Variants in RAB9B observed in about 807,000 individuals in gnomAD.
RAB9B encodes the protein RAB9B, member RAS oncogene family, also known as ras-related protein Rab-9B.
A neutral mutation model predicts 8.9 loss-of-function variants in RAB9B; 1 was observed. The observed-to-expected ratio is 0.11, with a 90% CI of 0.04 to 0.53. The LOEUF (loss-of-function observed/expected upper bound fraction) is 0.53. Among genes scored for constraint, RAB9B ranks in the 20% least tolerant of loss-of-function variants. The pLI is 0.93. For missense variants in RAB9B, 82 were observed against 152.9 expected, an observed-to-expected ratio of 0.54 and a Z score of 2.45; for synonymous variants, 63 against 57.0, an observed-to-expected ratio of 1.10 and a Z score of -0.47.
chrX:103,785,837 C>CTTCA, the RAB9B span: 26 of 957,195 alleles, frequency 2.7e-5, no homozygotes, highest in Non-Finnish European at 3.9e-5. Flanking sequence ...ATAGAGAACT[C>CTTCA]TTCAGTACCT....
intron 2 of RAB9B, among the ~76,000 whole-genome samples, chrX:103,826,069 G>A (rs1347607979): frequency 8.9e-6 from 1 of 112,045 alleles, no homozygotes; most frequent in African/African-American, 3.2e-5. Context: ...AAATGGACTA[G>A]CAGATGGTCC....
the RAB9B span, among the ~76,000 whole-genome samples, chrX:103,777,811 G>T: frequency 8.9e-6 from 1 of 112,345 alleles, no homozygotes; most frequent in Admixed American, 9.4e-5. Context: ...AGAGCACAAG[G>T]GTCTTTGTCC....
chrX:103,784,911 G>A, the RAB9B span, among the ~76,000 whole-genome samples: 1 of 112,105 alleles, frequency 8.9e-6, no homozygotes, highest in Non-Finnish European at 1.9e-5. Context: ...ATAAATAGTT[G>A]ATGAATGACT....
chrX:103,780,439 C>CTGTG, the RAB9B span, among the ~76,000 whole-genome samples: 13 of 102,524 alleles, frequency 1.3e-4, no homozygotes, highest in South Asian at 1.3e-3. Context: ...CTGTCTCTCT[C>CTGTG]TGTGTGTGTG....
rs973876616 is a variant in RAB9B, at chrX:103,825,853, G to T, written c.-42-27C>A. The stretch of plus-strand genomic sequence containing the variant: ...TGAAAATAAAAGGAAAAGTAGGAGG[G>T]AAAACAGTTAAACCTGAAACTGAAA... On this transcript the variant is annotated intron_variant, in intron 2 of 2. Coordinates refer to ENST00000243298, the MANE Select transcript of RAB9B (RefSeq NM_016370.4). The T allele has an allele frequency of 3.5e-5, 37 of 1,044,098 alleles. 1 individual carries two copies. In the Admixed American group the frequency reaches 1.1e-3, roughly 32 times the overall value. 86.0% of individuals were successfully genotyped at this position (1,044,098 alleles called of 1,213,427 possible). A position where few individuals can be genotyped will look rare whatever the true frequency, so the allele number is the denominator to read the frequency against.
chrX:103,785,544 C>T, the RAB9B span: 1 of 1,141,902 alleles, frequency 8.8e-7, no homozygotes. Flanking sequence ...GAGCTACCTA[C>T]TGGATGTGCC....
chrX:103,810,724 C>T, the RAB9B span, among the ~76,000 whole-genome samples: 1 of 111,771 alleles, frequency 8.9e-6, no homozygotes, highest in East Asian at 2.8e-4. Flanking sequence ...GCTTCCTACC[C>T]CTTTGCTTAG....
At chrX:103,793,063 C>T in the RAB9B span, among the ~76,000 whole-genome samples, 2 of 111,926 alleles carry the variant, frequency 1.8e-5, no homozygotes, top group Non-Finnish European at 3.8e-5. Context: ...GTAATTCATA[C>T]GTGACTAATA....
the RAB9B span, chrX:103,792,502 A>G: frequency 8.9e-6 from 1 of 112,800 alleles, no homozygotes; most frequent in African/African-American, 3.2e-5. Context: ...TGTTTCCTTC[A>G]TTTCTGATAT....
chrX:103,805,042 T>C, the RAB9B span, among the ~76,000 whole-genome samples: 1 of 111,787 alleles, frequency 8.9e-6, no homozygotes, highest in African/African-American at 3.2e-5. Context: ...ATTACAATGT[T>C]AAATAAAAGT....
chrX:103,808,427 T>C, the RAB9B span, among the ~76,000 whole-genome samples: 1 of 112,256 alleles, frequency 8.9e-6, no homozygotes, highest in African/African-American at 3.2e-5. Flanking sequence ...AGCCGTAAAC[T>C]GTCAGGTCTG....
chrX:103,821,141 T>TAAA (rs1350302134), downstream of RAB9B, among the ~76,000 whole-genome samples: 1 of 109,813 alleles, frequency 9.1e-6, no homozygotes, highest in African/African-American at 3.3e-5. Flanking sequence ...CACTCTAGCC[T>TAAA]GGGCAAAAGA....
downstream of RAB9B, among the ~76,000 whole-genome samples, chrX:103,821,166 C>CA (rs1304497978): frequency 1.2e-3 from 122 of 101,208 alleles, no homozygotes; most frequent in East Asian, 4.3e-3. Context: ...GACCCTGTCT[C>CA]AAAAAAAAAA....
the RAB9B span, chrX:103,785,844 A>G: frequency 1.1e-6 from 1 of 921,484 alleles, no homozygotes; most frequent in Admixed American, 2.2e-5. Context: ...ACTCTTCAGT[A>G]CCTTAGTAAC....
At chrX:103,809,530 C>T in the RAB9B span, among the ~76,000 whole-genome samples, 2 of 112,335 alleles carry the variant, frequency 1.8e-5, no homozygotes, top group African/African-American at 3.2e-5. Context: ...GAACTCCTGA[C>T]CTCAGGTGAT....
At chrX:103,802,374 G>A in the RAB9B span, among the ~76,000 whole-genome samples, 1 of 111,091 alleles carries the variant, frequency 9.0e-6, no homozygotes, top group African/African-American at 3.3e-5. Context: ...AGCCACCTGA[G>A]GTTCAAATTA....
intron 1 of RAB9B, among the ~76,000 whole-genome samples, chrX:103,830,106 T>TC (rs1252006154): frequency 9.0e-6 from 1 of 110,652 alleles, no homozygotes; most frequent in Admixed American, 9.6e-5. Flanking sequence ...CCAGTTTTCC[T>TC]CCCCCTACTC....
At chrX:103,831,769 C>A (rs1268351294) in intron 1 of RAB9B, among the ~76,000 whole-genome samples, 1 of 110,031 alleles carries the variant, frequency 9.1e-6, no homozygotes, top group East Asian at 2.9e-4. Flanking sequence ...GCTCTTAGAG[C>A]TAGTCGGCTG....
At chrX:103,788,951 T>C in the RAB9B span, 2 of 300,985 alleles carry the variant, frequency 6.6e-6, no homozygotes, top group Non-Finnish European at 1.2e-5. Context: ...AAGCACTGTA[T>C]TGAGAACAGA....
Sources: gnomAD v4.1 joint callset for allele counts (sites outside exome capture counted in the v4.1 genomes callset) on GRCh38, gnomAD v4.1.1 for gene constraint, MANE v1.5 for transcripts, NCBI Gene and HGNC (gene_info 2026-07-23, HGNC 2026-07-21) for gene names.